Variants in PTK2 observed in about 807,000 individuals in gnomAD.
The protein encoded by PTK2 is focal adhesion kinase 1.
Under a neutral mutation model 150.1 loss-of-function variants are expected in PTK2, and 45 were observed. That is an observed-to-expected ratio of 0.30 (90% CI 0.24 to 0.38). The LOEUF is 0.38. PTK2 is among the 10% of genes least tolerant of loss of function. The probability of loss-of-function intolerance (pLI) is 1.00; values close to 1 mark genes in which losing one functional copy is unlikely to be tolerated. For missense variants in PTK2, 919 were observed against 1,307.3 expected, an observed-to-expected ratio of 0.70 and a Z score of 4.58; for synonymous variants, 432 against 449.2, an observed-to-expected ratio of 0.96 and a Z score of 0.48.
intron 29 of PTK2, among the ~76,000 whole-genome samples, chr8:140,672,411 A>G (rs1310996289): frequency 2.0e-5 from 3 of 152,210 alleles, no homozygotes; most frequent in Non-Finnish European, 4.4e-5. Flanking sequence ...GAGAAGACTC[A>G]GTGTGTCTTT....
chr8:140,965,192 A>T (rs777365328), intron 1 of PTK2, among the ~76,000 whole-genome samples: 11 of 152,214 alleles, frequency 7.2e-5, no homozygotes, highest in Admixed American at 3.9e-4. Context: ...TCTAGTCTAA[A>T]GTCTCTCAGC....
chr8:140,922,183 A>G (rs1313771780), intron 2 of PTK2, among the ~76,000 whole-genome samples: 1 of 152,170 alleles, frequency 6.6e-6, no homozygotes, highest in Non-Finnish European at 1.5e-5. Flanking sequence ...GCCCCAGGAC[A>G]GTTGTTTCAT....
At chr8:140,872,085 T>C (rs1229545606) in intron 4 of PTK2, among the ~76,000 whole-genome samples, 4 of 152,092 alleles carry the variant, frequency 2.6e-5, no homozygotes, top group East Asian at 1.9e-4. Flanking sequence ...CGTAAGGATG[T>C]AGTCCCAGCT....
intron 8 of PTK2, among the ~76,000 whole-genome samples, chr8:140,820,099 TTTTTTTTTTTTTTTTTTTTA>T (rs1332838721): frequency 0.024 from 2,264 of 93,914 alleles, 194 homozygotes; most frequent in African/African-American, 0.097. Flanking sequence ...TTTTTTTTTT[TTTTTTTTTTTTTTTTTTTTA>T]AATAGGGTCT....
chr8:140,670,113 C>G (rs2094709129), intron 29 of PTK2: 1 of 181,694 alleles, frequency 5.5e-6, no homozygotes, highest in South Asian at 1.5e-4. Context: ...AAGTGCCCAT[C>G]TGAATTCTCA....
intron 1 of PTK2, among the ~76,000 whole-genome samples, chr8:140,991,625 G>A (rs2100195726): frequency 6.6e-6 from 1 of 152,090 alleles, no homozygotes; most frequent in South Asian, 2.1e-4. Flanking sequence ...ACTAATTTTT[G>A]CCTCCTATGA....
At chr8:140,902,863 T>C (rs548073748) in intron 2 of PTK2, among the ~76,000 whole-genome samples, 14 of 149,574 alleles carry the variant, frequency 9.4e-5, no homozygotes, top group Admixed American at 3.4e-4. Flanking sequence ...CTTAGTCAGA[T>C]AGACAGATTA....
At chr8:140,801,477 T>G (rs971503976) in intron 11 of PTK2, among the ~76,000 whole-genome samples, 1 of 152,218 alleles carries the variant, frequency 6.6e-6, no homozygotes, top group Non-Finnish European at 1.5e-5. Flanking sequence ...TCCAGACTGT[T>G]TGGGTATGAA....
chr8:140,811,915 G>A (rs2100101802), intron 10 of PTK2, among the ~76,000 whole-genome samples: 1 of 152,200 alleles, frequency 6.6e-6, no homozygotes, highest in African/African-American at 2.4e-5. Flanking sequence ...ACGGGATTAT[G>A]TAAAGAGACC....
At chr8:140,849,948 G>C (rs2100128142) in intron 5 of PTK2, among the ~76,000 whole-genome samples, 1 of 152,110 alleles carries the variant, frequency 6.6e-6, no homozygotes. Context: ...TTAACAAATA[G>C]GAACCACCTC....
intron 21 of PTK2, 118 bp from the exon 25 acceptor site, chr8:140,735,573 T>C: frequency 1.2e-6 from 1 of 850,166 alleles, no homozygotes; most frequent in Non-Finnish European, 1.9e-6. Context: ...ATGGGCAAAT[T>C]ATCTACCAAA....
chr8:140,879,767 CT>C, intron 3 of PTK2, 130 bp from the exon 4 acceptor site: 2 of 735,296 alleles, frequency 2.7e-6, no homozygotes, highest in African/African-American at 1.9e-5. Flanking sequence ...ATGTTCATTT[CT>C]TTTAGTCAAT....
chr8:140,721,519 C>A, intron 22 of PTK2: 1 of 152,130 alleles, frequency 6.6e-6, no homozygotes. Context: ...ACCAGTAAAT[C>A]CATACCTCAA....
chr8:140,826,792 C>T (rs1021898845), intron 8 of PTK2, among the ~76,000 whole-genome samples: 1 of 152,054 alleles, frequency 6.6e-6, no homozygotes, highest in Non-Finnish European at 1.5e-5. Flanking sequence ...GTGGTCCATG[C>T]CTGTAATCCC....
At chr8:140,747,323 A>G (rs900738973) in intron 17 of PTK2, 1 of 156,922 alleles carries the variant, frequency 6.4e-6, no homozygotes, top group African/African-American at 2.5e-5. Context: ...AATTGGCACA[A>G]AAAGGTATGT....
In PTK2 at chr8:140,803,527, C is replaced by T. The variant is rs534266408; in HGVS notation, c.975+16G>A. On this transcript the variant is annotated intron_variant, in intron 11 of 31. Coordinates refer to ENST00000522684, the Ensembl canonical transcript of PTK2. ...TTAACCATTTTCCCTTAATGATGAA[C>T]GTAACAGTTCCTTACCTCGGGTGCA... The T allele has an allele frequency of 1.6e-5, 26 of 1,579,570 alleles. No homozygotes were observed. The highest frequency in any genetic ancestry group is 1.5e-4 in the Admixed American group (9 of 59,902).
At chr8:140,870,358 T>TAG (rs2100141800) in intron 4 of PTK2, among the ~76,000 whole-genome samples, 1 of 152,096 alleles carries the variant, frequency 6.6e-6, no homozygotes, top group Admixed American at 6.6e-5. Flanking sequence ...TTGTGAGACA[T>TAG]AGACACAACT....
chr8:140,706,035 T>C (rs964547030), intron 24 of PTK2, 84 bp downstream of exon 27: 3 of 1,132,006 alleles, frequency 2.7e-6, no homozygotes, highest in Middle Eastern at 2.1e-4. Context: ...AGTACATAAA[T>C]AAAAATATGC....
intron 2 of PTK2, 24 bp downstream of exon 2, chr8:140,925,637 A>C: frequency 1.0e-6 from 1 of 984,886 alleles, no homozygotes; most frequent in Non-Finnish European, 1.2e-6. Flanking sequence ...CTTTCTTTGC[A>C]AAGTTTCTTA....
Sources: allele counts gnomAD v4.1 joint callset (sites outside exome capture counted in the v4.1 genomes callset), GRCh38; gene constraint gnomAD v4.1.1; transcripts MANE v1.5; gene names NCBI Gene and HGNC (gene_info 2026-07-23, HGNC 2026-07-21).